Variants in PTTG1IP observed in about 807,000 individuals in gnomAD.
The protein encoded by PTTG1IP is PTTG1 interacting protein.
PTTG1IP carries 16 observed loss-of-function variants against 24.4 expected under a neutral mutation model. That is an observed-to-expected ratio of 0.66 (90% CI 0.44 to 1.00). The LOEUF is 1.00. Among genes scored for constraint, PTTG1IP ranks in the 50% least tolerant of loss-of-function variants. PTTG1IP has a pLI of 0.00. For missense variants in PTTG1IP, 241 were observed against 245.8 expected (o/e 0.98, Z 0.13); for synonymous variants, 89 against 96.8 (o/e 0.92, Z 0.47).
intron 2 of PTTG1IP, among the ~76,000 whole-genome samples, chr21:44,863,700 G>A (rs2083512178): frequency 6.6e-6 from 1 of 152,214 alleles, no homozygotes; most frequent in Admixed American, 6.5e-5. Flanking sequence ...AAAATCCAGA[G>A]ACTAAAAAGA....
At chr21:44,859,485 A>G (rs1200003300) in intron 3 of PTTG1IP, among the ~76,000 whole-genome samples, 3 of 151,998 alleles carry the variant, frequency 2.0e-5, no homozygotes, top group Non-Finnish European at 2.9e-5. Flanking sequence ...ATGCAGGCAC[A>G]CATGTGTGCA....
At chr21:44,866,945 G>T (rs959888459) in intron 1 of PTTG1IP, among the ~76,000 whole-genome samples, 1 of 152,176 alleles carries the variant, frequency 6.6e-6, no homozygotes, top group Non-Finnish European at 1.5e-5. Flanking sequence ...ACAAACATGC[G>T]ACCACCTATG....
intron 5 of PTTG1IP, among the ~76,000 whole-genome samples, chr21:44,852,747 C>T (rs182086830): frequency 1.3e-5 from 2 of 152,240 alleles, no homozygotes; most frequent in East Asian, 3.9e-4. Flanking sequence ...TTGAAAAACT[C>T]GCTCCTGAGT....
chr21:44,860,992 C>T (rs2083486719), intron 3 of PTTG1IP, among the ~76,000 whole-genome samples, 171 bp downstream of exon 3: 1 of 151,974 alleles, frequency 6.6e-6, no homozygotes, highest in South Asian at 2.1e-4. Flanking sequence ...TTAATAGAGA[C>T]GGGGCTTCAC....
At chr21:44,870,538 A>AAAAAAAAAAAG (rs1569328079) in intron 1 of PTTG1IP, among the ~76,000 whole-genome samples, 1 of 149,902 alleles carries the variant, frequency 6.7e-6, no homozygotes, top group African/African-American at 2.5e-5. Flanking sequence ...AAAAAAAAAA[A>AAAAAAAAAAAG]AAAAAAAAAA....
In PTTG1IP at chr21:44,870,345, G is replaced by T. The variant is rs187235951; in HGVS notation, c.115+3157C>A. On this transcript the variant is annotated intron_variant, in intron 1 of 5. Coordinates refer to ENST00000330938, the MANE Select transcript of PTTG1IP (RefSeq NM_004339.4). ...CACCTGAGGTCAGGAGTTCGAGACC[G>T]GCCTGGCCGACATGGAGAAACCCCA... is the stretch of plus-strand genomic sequence containing the variant. Among the ~76,000 whole-genome samples, 16 of 151,988 alleles carry T rather than the reference G, an allele frequency of 1.1e-4. No individual in the cohort carries two copies. In the East Asian group the frequency reaches 3.1e-3, roughly 29 times the overall value.
intron 5 of PTTG1IP, among the ~76,000 whole-genome samples, chr21:44,852,401 C>T (rs1004575612): frequency 6.6e-6 from 1 of 152,060 alleles, no homozygotes; most frequent in Admixed American, 6.6e-5. Context: ...AGGCTGGTCT[C>T]GAACTCCCAA....
Position 44,851,223 on chromosome 21 carries a change from G to T in PTTG1IP, c.*358C>A. Reference sequence around the variant, plus strand: ...TGTGAAGCTTGTTAGTGGACAGAGAGAAACGCAGGGTTCTGCCCTGGGAGA... The same window carrying T: ...TGTGAAGCTTGTTAGTGGACAGAGATAAACGCAGGGTTCTGCCCTGGGAGA... On this transcript the variant is annotated 3_prime_UTR_variant, in exon 6 of 6. Coordinates refer to ENST00000330938, the MANE Select transcript of PTTG1IP (RefSeq NM_004339.4). 1 of 1,064,994 alleles carries T rather than the reference G, an allele frequency of 9.4e-7. No individual in the cohort carries two copies. Among genetic ancestry groups the T allele is most frequent in the Non-Finnish European group, 1.3e-6 (1 of 765,686 alleles). 66.0% of individuals were successfully genotyped at this position (1,064,994 alleles called of 1,614,324 possible). A position where few individuals can be genotyped will look rare whatever the true frequency, so the allele number is the denominator to read the frequency against.
intron 3 of PTTG1IP, among the ~76,000 whole-genome samples, chr21:44,858,350 C>G (rs1441553282): frequency 1.3e-5 from 2 of 152,240 alleles, no homozygotes; most frequent in East Asian, 1.9e-4. Flanking sequence ...GCCGCGGCAT[C>G]TGGTGAAATC....
rs2083449474 is a variant in PTTG1IP at position 44,856,309 on chromosome 21, CAGG to C, written c.330_332del (p.Leu111del). 1 of 1,614,042 alleles carries C rather than the reference CAGG, an allele frequency of 6.2e-7. No homozygotes were observed. Among genetic ancestry groups the C allele is most frequent in the Non-Finnish European group, 8.5e-7 (1 of 1,180,016 alleles). ...AGCAGCAGCAGCAGATGGCAATGCCCAGGAGGAGGGTTCCCCCGACTACCGACA... is the reference window on the plus strand; with the variant it reads ...AGCAGCAGCAGCAGATGGCAATGCCCAGGAGGGTTCCCCCGACTACCGACA... On this transcript the variant is annotated inframe_deletion, in exon 4 of 6. Coordinates refer to ENST00000330938, the MANE Select transcript of PTTG1IP (RefSeq NM_004339.4).
chr21:44,873,571 G>A lies in PTTG1IP; in HGVS notation c.46C>T (p.Arg16Cys). Reference protein sequence around the residue: ...ARGPTPYWRLRLGGAALLLLL... With the variant: ...ARGPTPYWRLCLGGAALLLLL... ...AGGAGCAGCGCGGCGCCACCGAGGC[G>A]CAACCTCCAGTACGGCGTCGGCCCG... is the stretch of plus-strand genomic sequence containing the variant. Residue 16 changes from arginine to cysteine, a missense_variant, in exon 1 of 6, where the codon CGC becomes TGC. Physicochemically the swap from Arg to Cys is radical, Grantham distance 180 (BLOSUM62 -3). Transcript: ENST00000330938. 1.4e-6 allele frequency: 2 copies of A among 1,470,750 alleles called. No homozygotes were observed. Among genetic ancestry groups the A allele is most frequent in the East Asian group, 3.0e-5 (1 of 33,282 alleles). The allele number at this position is 1,470,750 out of a possible 1,614,324, so 91.1% of individuals were successfully genotyped here.
intron 2 of PTTG1IP, among the ~76,000 whole-genome samples, 156 bp downstream of exon 2, chr21:44,865,239 A>G (rs1225583002): frequency 6.6e-6 from 1 of 152,242 alleles, no homozygotes; most frequent in East Asian, 1.9e-4. Context: ...TGAAATGGCT[A>G]AAATAACATT....
rs2083565733 is a variant in PTTG1IP, at chr21:44,869,256, T to C, written c.116-3809A>G. ...GTTGGGGTAACTGTTTAAATTTGTA[T>C]ATGGATTGTAAGTTAAATCAGGTAT... On this transcript the variant is annotated intron_variant, in intron 1 of 5. Transcript: ENST00000330938. Among the ~76,000 whole-genome samples, 4 of 152,362 alleles carry C rather than the reference T, an allele frequency of 2.6e-5. No homozygotes were observed. The South Asian group carries it at 6.2e-4, about 24-fold the overall frequency.
At chr21:44,871,741 A>T (rs960192419) in intron 1 of PTTG1IP, among the ~76,000 whole-genome samples, 11 of 152,316 alleles carry the variant, frequency 7.2e-5, no homozygotes, top group Admixed American at 2.0e-4. Flanking sequence ...CCTCTCTCCA[A>T]GGACAAGGGG....
Position 44,873,548 on chromosome 21 carries a change from G to T in PTTG1IP, c.69C>A (p.Leu23=). The change falls in exon 1 of 6, where the codon CTC becomes CTA. Residue 23 remains leucine, a synonymous_variant. Transcript: ENST00000330938. ...WRLRLGGAAL[L]LLLIPVAAAQ... is the part of the protein sequence containing the mutation. ...CGGCGGCCACCGGGATGAGCAGCAG[G>T]AGCAGCGCGGCGCCACCGAGGCGCA... 6.8e-7 allele frequency: 1 copy of T among 1,474,798 alleles called. No homozygotes were observed. The highest frequency in any genetic ancestry group is 8.9e-7 in the Non-Finnish European group (1 of 1,119,306). 91.4% of individuals were successfully genotyped at this position (1,474,798 alleles called of 1,614,324 possible).
At chr21:44,862,138 C>T (rs1399583489) in intron 2 of PTTG1IP, among the ~76,000 whole-genome samples, 1 of 152,192 alleles carries the variant, frequency 6.6e-6, no homozygotes. Flanking sequence ...CAGTACACAA[C>T]GAGGCCCGAA....
rs968227801 is a variant in PTTG1IP, at chr21:44,850,092, C to T, written c.*1489G>A. On this transcript the variant is annotated 3_prime_UTR_variant, in exon 6 of 6. Coordinates refer to ENST00000330938, the MANE Select transcript of PTTG1IP (RefSeq NM_004339.4). ...GATGTACACAGTCAAAAAGGCTTAT[C>T]GAGCTGTTTGACGAGTTCTTGAAGT... 1 of 152,162 alleles carries T rather than the reference C, an allele frequency of 6.6e-6. No individual in the cohort carries two copies. The highest frequency in any genetic ancestry group is 6.5e-5 in the Admixed American group (1 of 15,274). The allele number at this position is 152,162 out of a possible 1,614,324, so 9.4% of individuals were successfully genotyped here.
rs908742208 is a variant in PTTG1IP, at chr21:44,873,595, C to T, written c.22G>A (p.Gly8Arg). 1.4e-6 allele frequency: 2 copies of T among 1,452,986 alleles called. No homozygotes were observed. Among genetic ancestry groups the T allele is most frequent in the African/African-American group, 3.0e-5 (2 of 67,740 alleles). 90.0% of individuals were successfully genotyped at this position (1,452,986 alleles called of 1,614,324 possible). MAPGVAR[G>R]PTPYWRLRLG... ...CGCAACCTCCAGTACGGCGTCGGCCCGCGGGCCACTCCGGGCGCCATGGTC... is the reference window on the plus strand; with the variant it reads ...CGCAACCTCCAGTACGGCGTCGGCCTGCGGGCCACTCCGGGCGCCATGGTC... The change falls in exon 1 of 6, where the codon GGG becomes AGG. Residue 8 changes from glycine to arginine, a missense_variant. Gly to Arg is a moderately radical substitution (Grantham distance 125, BLOSUM62 -2). Coordinates refer to ENST00000330938, the MANE Select transcript of PTTG1IP (RefSeq NM_004339.4).
rs368408276 is a variant in PTTG1IP, at chr21:44,856,234, G to A, written c.408C>T (p.Ala136=). Residue 136 remains alanine, a synonymous_variant, in exon 4 of 6, where the codon GCC becomes GCT. Transcript: ENST00000330938. ...SRKPDRSEEK[A]MREREERRIR... ...TCCGCCTCTCCTCCCGCTCACGCAT[G>A]GCCTTCTCCTCACTCCTGTCCGGCT... 27 of 1,613,992 alleles carry A rather than the reference G, an allele frequency of 1.7e-5. No homozygotes were observed. Among genetic ancestry groups the A allele is most frequent in the Non-Finnish European group, 2.2e-5 (26 of 1,180,012 alleles).
Sources: allele counts gnomAD v4.1 joint callset (sites outside exome capture counted in the v4.1 genomes callset), GRCh38; gene constraint gnomAD v4.1.1; transcripts MANE v1.5; gene names NCBI Gene and HGNC (gene_info 2026-07-23, HGNC 2026-07-21).